MGAT3: variants seen among roughly 807,000 people sequenced by gnomAD.
MGAT3 encodes the protein beta-1,4-mannosyl-glycoprotein 4-beta-N-acetylglucosaminyltransferase.
A neutral mutation model predicts 29.8 loss-of-function variants in MGAT3; 9 were observed. The observed-to-expected ratio is 0.30, with a 90% CI of 0.18 to 0.53. The LOEUF (loss-of-function observed/expected upper bound fraction) is 0.53. MGAT3 is among the 20% of genes least tolerant of loss of function. MGAT3 has a pLI of 0.96. For synonymous variants in MGAT3, 397 were observed against 348.9 expected (o/e 1.14, Z -1.54); for missense variants, 557 against 769.5 (o/e 0.72, Z 3.27).
At chr22:39,482,264 G>T (rs1439383200) in intron 1 of MGAT3, among the ~76,000 whole-genome samples, 1 of 150,706 alleles carries the variant, frequency 6.6e-6, no homozygotes, top group Non-Finnish European at 1.5e-5. Flanking sequence ...AGAGATTCCA[G>T]AGGCATGAGC....
intron 1 of MGAT3, among the ~76,000 whole-genome samples, chr22:39,479,485 C>T (rs755392235): frequency 5.9e-4 from 90 of 152,320 alleles, no homozygotes; most frequent in Non-Finnish European, 8.5e-4. Flanking sequence ...TGGCCCCTCC[C>T]CACAGCAGGT....
At chr22:39,460,682 C>T (rs898027124) in intron 1 of MGAT3, among the ~76,000 whole-genome samples, 1 of 152,132 alleles carries the variant, frequency 6.6e-6, no homozygotes, top group South Asian at 2.1e-4. Flanking sequence ...CCTATAATTC[C>T]AGCTACTTGG....
chr22:39,475,708 A>G, intron 1 of MGAT3: 1 of 152,586 alleles, frequency 6.6e-6, no homozygotes, highest in Non-Finnish European at 1.5e-5. Flanking sequence ...CCATCTCTCC[A>G]GCGGTGCTGG....
chr22:39,461,379 C>T (rs1191117472), intron 1 of MGAT3, among the ~76,000 whole-genome samples: 1 of 152,054 alleles, frequency 6.6e-6, no homozygotes, highest in Non-Finnish European at 1.5e-5. Flanking sequence ...TGGGGTGAGG[C>T]TTGAGGGAAC....
chr22:39,471,294 C>G (rs1007766395), intron 1 of MGAT3, among the ~76,000 whole-genome samples: 1 of 152,050 alleles, frequency 6.6e-6, no homozygotes, highest in African/African-American at 2.4e-5. Flanking sequence ...GCTGAAAGCC[C>G]GAAGTATGGG....
intron 1 of MGAT3, among the ~76,000 whole-genome samples, chr22:39,471,115 C>T (rs993666141): frequency 6.6e-6 from 1 of 152,228 alleles, no homozygotes; most frequent in Non-Finnish European, 1.5e-5. Context: ...GGCTGCCCCT[C>T]TGCCTGGGAG....
At chr22:39,465,456 G>T (rs998642059) in intron 1 of MGAT3, among the ~76,000 whole-genome samples, 1 of 152,176 alleles carries the variant, frequency 6.6e-6, no homozygotes, top group African/African-American at 2.4e-5. Flanking sequence ...AACTCACTGT[G>T]GGCATTCAGT....
At chr22:39,465,944 A>G (rs553689109) in intron 1 of MGAT3, among the ~76,000 whole-genome samples, 73 of 151,952 alleles carry the variant, frequency 4.8e-4, no homozygotes, top group African/African-American at 1.6e-3. Flanking sequence ...AAAAAAAAAA[A>G]AAAAGAAAAG....
chr22:39,474,950 G>A (rs1316637142), intron 1 of MGAT3, among the ~76,000 whole-genome samples: 2 of 152,072 alleles, frequency 1.3e-5, no homozygotes, highest in African/African-American at 2.4e-5. Context: ...CTCTCTGCCT[G>A]GACTGGGGAC....
chr22:39,490,804 GGATGGAAGAGGCCAGGCCCA>G lies in MGAT3; in HGVS notation c.*1857_*1876del. ...TCCCTGTAAATACATGCTTGTGTAT[GGATGGAAGAGGCCAGGCCCA>G]GGCCTGGCCTCTTCCTCGGGCCTGT... On this transcript the variant is annotated 3_prime_UTR_variant, in exon 2 of 2. Coordinates refer to ENST00000341184, the MANE Select transcript of MGAT3 (RefSeq NM_002409.5). 1 of 166,786 alleles carries G rather than the reference GGATGGAAGAGGCCAGGCCCA, an allele frequency of 6.0e-6. No individual in the cohort carries two copies. The highest frequency in any genetic ancestry group is 1.9e-4 in the East Asian group (1 of 5,144). The allele number at this position is 166,786 out of a possible 1,614,324, so 10.3% of individuals were successfully genotyped here. A position where few individuals can be genotyped will look rare whatever the true frequency, so the allele number is the denominator to read the frequency against.
intron 1 of MGAT3, among the ~76,000 whole-genome samples, chr22:39,481,856 T>C (rs1196149937): frequency 2.6e-5 from 4 of 152,222 alleles, no homozygotes. Flanking sequence ...GTTGGGAGGA[T>C]TCAGTACAGT....
At chr22:39,484,068 C>T (rs1323108708) in intron 1 of MGAT3, among the ~76,000 whole-genome samples, 1 of 152,218 alleles carries the variant, frequency 6.6e-6, no homozygotes, top group Non-Finnish European at 1.5e-5. Flanking sequence ...CCCAGCTGCC[C>T]GGTTCACACT....
At chr22:39,483,503 A>AAAAAATT (rs1257466929) in intron 1 of MGAT3, among the ~76,000 whole-genome samples, 2 of 55,262 alleles carry the variant, frequency 3.6e-5, no homozygotes, top group Non-Finnish European at 8.0e-5. Context: ...TTAAAAAATT[A>AAAAAATT]AAAAAAAAAA....
At position 39,489,102 on chromosome 22, in the gene MGAT3, G is replaced by A. The variant is rs1202537526; in HGVS notation, c.*153G>A. ...GTAGGGTTTCCCTACTGAAGCCCTT[G>A]TGAATCAAGGGTCAGGCCTTTGAGC... On this transcript the variant is annotated 3_prime_UTR_variant, in exon 2 of 2. Coordinates refer to ENST00000341184, the MANE Select transcript of MGAT3 (RefSeq NM_002409.5). 3 of 1,029,084 alleles carry A rather than the reference G, an allele frequency of 2.9e-6. No individual in the cohort carries two copies. The highest frequency in any genetic ancestry group is 1.6e-5 in the African/African-American group (1 of 61,464). 63.7% of individuals were successfully genotyped at this position (1,029,084 alleles called of 1,614,324 possible).
chr22:39,469,541 G>A (rs921622430), intron 1 of MGAT3, among the ~76,000 whole-genome samples: 3 of 152,096 alleles, frequency 2.0e-5, no homozygotes, highest in Admixed American at 6.6e-5. Flanking sequence ...AACAGCATCC[G>A]CTCCCCACTG....
At chr22:39,485,686 G>A (rs1381585739) in intron 1 of MGAT3, among the ~76,000 whole-genome samples, 1 of 152,158 alleles carries the variant, frequency 6.6e-6, no homozygotes, top group East Asian at 1.9e-4. Flanking sequence ...AGCTACTTGG[G>A]AGGCTGAGGT....
intron 1 of MGAT3, among the ~76,000 whole-genome samples, chr22:39,469,582 C>T (rs914317821): frequency 1.3e-5 from 2 of 152,196 alleles, no homozygotes; most frequent in African/African-American, 2.4e-5. Flanking sequence ...CCTCCACCTG[C>T]CACCTGGTGC....
intron 1 of MGAT3, among the ~76,000 whole-genome samples, chr22:39,470,191 G>T (rs1011449277): frequency 6.6e-6 from 1 of 152,180 alleles, no homozygotes; most frequent in Non-Finnish European, 1.5e-5. Flanking sequence ...AAGTGGGATC[G>T]CCTCTGCAGG....
intron 1 of MGAT3, among the ~76,000 whole-genome samples, chr22:39,485,278 T>C (rs1482743712): frequency 6.6e-6 from 1 of 152,166 alleles, no homozygotes; most frequent in African/African-American, 2.4e-5. Context: ...GCTGGATGGC[T>C]ACGGTCGGAG....
Sources: gnomAD v4.1 joint callset for allele counts (sites outside exome capture counted in the v4.1 genomes callset) on GRCh38, gnomAD v4.1.1 for gene constraint, MANE v1.5 for transcripts, NCBI Gene and HGNC (gene_info 2026-07-23, HGNC 2026-07-21) for gene names.